The following VPS13C variants were observed in gnomAD, a reference collection of about 807,000 sequenced individuals.
VPS13C encodes the protein intermembrane lipid transfer protein VPS13C.
Under a neutral mutation model 456.8 loss-of-function variants are expected in VPS13C, and 358 were observed. The ratio of observed to expected loss-of-function variants is 0.78; its 90% CI spans 0.72 to 0.86. The LOEUF is 0.86. Among genes scored for constraint, VPS13C ranks in the 40% least tolerant of loss-of-function variants. The pLI, the probability that VPS13C is intolerant of heterozygous loss-of-function variation, is 0.00. For synonymous variants in VPS13C, 1,578 were observed against 1,486.7 expected (o/e 1.06, Z -1.41); for missense variants, 4,818 against 4,385.4 (o/e 1.10, Z -2.79).
intron 11 of VPS13C, 63 bp from the exon 12 acceptor site, chr15:62,012,227 C>G (rs1311385302): frequency 6.2e-6 from 2 of 325,126 alleles, no homozygotes; most frequent in African/African-American, 2.8e-5. Context: ...CTCAGACACA[C>G]ACACACACAC....
intron 10 of VPS13C, 34 bp downstream of exon 10, chr15:62,013,899 G>A (rs1432464793): frequency 8.6e-6 from 13 of 1,505,310 alleles, no homozygotes; most frequent in Non-Finnish European, 1.2e-5. Flanking sequence ...GTGCACCTAG[G>A]AAACTAACAA....
At chr15:61,927,567 T>A (rs1436793657) in intron 51 of VPS13C, among the ~76,000 whole-genome samples, 1 of 152,160 alleles carries the variant, frequency 6.6e-6, no homozygotes, top group African/African-American at 2.4e-5. Flanking sequence ...GCAAGAATAA[T>A]CCTGTTTTAC....
rs181890303 is a variant in VPS13C at position 61,994,023 on chromosome 15, C to T, written c.1354-2221G>A. Among the ~76,000 whole-genome samples the T allele has an allele frequency of 9.7e-4, 147 of 152,160 alleles. 1 individual carries two copies. The highest frequency in any genetic ancestry group is 3.5e-3 in the African/African-American group (144 of 41,492). ...ATACAAATGAGACCTAAGATGAAGA[C>T]GGATGCAGAGCGCTTTCCCTTTCCC... On this transcript the variant is annotated intron_variant, in intron 16 of 84. Coordinates refer to ENST00000644861, the MANE Select transcript of VPS13C (RefSeq NM_020821.3).
chr15:61,922,185 C>T (rs2043680262), intron 54 of VPS13C, 152 bp from the exon 55 acceptor site: 7 of 1,048,536 alleles, frequency 6.7e-6, no homozygotes, highest in African/African-American at 3.2e-5. Flanking sequence ...TTTTCCTTTA[C>T]TCTCTTACTC....
chr15:62,013,175 A>C (rs2047109091), intron 10 of VPS13C, 56 bp from the exon 11 acceptor site: 1 of 1,305,300 alleles, frequency 7.7e-7, no homozygotes, highest in East Asian at 2.5e-5. Context: ...TTATGAATCA[A>C]TATTAAAAGA....
intron 67 of VPS13C, among the ~76,000 whole-genome samples, chr15:61,885,618 G>C (rs1896206889): frequency 6.6e-6 from 1 of 152,060 alleles, no homozygotes; most frequent in Non-Finnish European, 1.5e-5. Flanking sequence ...CTAATGGTTT[G>C]GTAACAAAAG....
chr15:61,996,578 G>T (rs914274632), intron 16 of VPS13C, among the ~76,000 whole-genome samples: 1 of 151,914 alleles, frequency 6.6e-6, no homozygotes, highest in Non-Finnish European at 1.5e-5. Context: ...TATCAGAGAG[G>T]CACTGAAACT....
chr15:61,865,770 GTA>G (rs2036503537), intron 81 of VPS13C: 9 of 653,916 alleles, frequency 1.4e-5, no homozygotes, highest in Non-Finnish European at 1.7e-5. Context: ...ATGTACGTGT[GTA>G]TATATGTATG....
At chr15:61,923,759 CT>C (rs1392657179) in intron 53 of VPS13C, among the ~76,000 whole-genome samples, 6 of 147,460 alleles carry the variant, frequency 4.1e-5, no homozygotes, top group South Asian at 2.2e-4. Flanking sequence ...TACTTGTCAA[CT>C]TTTTTTCCGT....
Position 61,991,747 on chromosome 15 carries a change from C to G in VPS13C, c.1409G>C (p.Arg470Pro), listed in dbSNP as rs142155201. 6.2e-7 allele frequency: 1 copy of G among 1,613,588 alleles called. No individual in the cohort carries two copies. Among genetic ancestry groups the G allele is most frequent in the East Asian group, 2.2e-5 (1 of 44,852 alleles). ...RKKSADTGEK[R>P]GGWFSGLWGK... The stretch of plus-strand genomic sequence containing the variant: ...CCACAACCCACTAAACCAGCCTCCA[C>G]GTTTCTCGCCTGTGTCAGCAGACTT... The change falls in exon 17 of 85, where the codon CGT becomes CCT. Residue 470 changes from arginine (R) to proline (P), a missense_variant. Coordinates refer to ENST00000644861, the MANE Select transcript of VPS13C (RefSeq NM_020821.3).
chr15:61,885,081 C>T (rs975689709), intron 67 of VPS13C, among the ~76,000 whole-genome samples: 2 of 152,038 alleles, frequency 1.3e-5, no homozygotes, highest in African/African-American at 4.8e-5. Context: ...AGTTGCAGGC[C>T]TTAAAATATA....
chr15:61,928,310 A>G (rs2043936793), intron 51 of VPS13C, among the ~76,000 whole-genome samples: 1 of 152,174 alleles, frequency 6.6e-6, no homozygotes, highest in Non-Finnish European at 1.5e-5. Context: ...GGAAAACTGG[A>G]AAGAATATCA....
chr15:62,015,029 A>G (rs576075704), intron 9 of VPS13C, among the ~76,000 whole-genome samples: 1 of 152,266 alleles, frequency 6.6e-6, no homozygotes, highest in African/African-American at 2.4e-5. Flanking sequence ...GAAACTACCC[A>G]TTCTTATGCA....
Position 61,951,108 on chromosome 15 carries a change from A to T in VPS13C, c.4457-84T>A, listed in dbSNP as rs958956692. The T allele has an allele frequency of 5.3e-5, 44 of 835,690 alleles. No individual in the cohort carries two copies. The South Asian group carries it at 7.1e-4, about 14-fold the overall frequency. 51.8% of individuals were successfully genotyped at this position (835,690 alleles called of 1,614,324 possible). ...CAGGACCAGCCAAATGTACACAAAT[A>T]TACATTTGTCAAAACTCAGGACTGT... On this transcript the variant is annotated intron_variant, in intron 39 of 84. Coordinates refer to ENST00000644861, the MANE Select transcript of VPS13C (RefSeq NM_020821.3).
intron 40 of VPS13C, 101 bp downstream of exon 40, chr15:61,950,844 G>C (rs1423511920): frequency 1.3e-6 from 1 of 794,876 alleles, no homozygotes; most frequent in African/African-American, 1.8e-5. Flanking sequence ...AATAAGTTTA[G>C]GTAGAAAAAT....
At chr15:62,007,282 C>T (rs777097596) in intron 15 of VPS13C, 26 bp downstream of exon 15, 32 of 1,467,300 alleles carry the variant, frequency 2.2e-5, no homozygotes, top group Admixed American at 1.3e-4. Context: ...CAAATAATAG[C>T]TCTCACTAAT....
chr15:62,021,062 G>A (rs369307158), intron 8 of VPS13C, among the ~76,000 whole-genome samples: 3 of 151,814 alleles, frequency 2.0e-5, no homozygotes, highest in Non-Finnish European at 2.9e-5. Context: ...CAAACTGCAC[G>A]TTCTCACTTA....
chr15:61,967,910 G>A (rs1406377769), intron 28 of VPS13C, among the ~76,000 whole-genome samples: 2 of 151,894 alleles, frequency 1.3e-5, no homozygotes, highest in African/African-American at 4.8e-5. Flanking sequence ...GCCTCCAAAA[G>A]CTGTGGAAGG....
chr15:61,900,978 T>C (rs2042979536), intron 66 of VPS13C, among the ~76,000 whole-genome samples: 1 of 152,134 alleles, frequency 6.6e-6, no homozygotes, highest in Non-Finnish European at 1.5e-5. Context: ...TATCTGATCT[T>C]TGACAAACCT....
Sources: allele counts gnomAD v4.1 joint callset (sites outside exome capture counted in the v4.1 genomes callset), GRCh38; gene constraint gnomAD v4.1.1; transcripts MANE v1.5; gene names NCBI Gene and HGNC (gene_info 2026-07-23, HGNC 2026-07-21).